Variants in ITGA9 observed in about 807,000 individuals in gnomAD.
ITGA9 encodes integrin subunit alpha 9.
A neutral mutation model predicts 127.8 loss-of-function variants in ITGA9; 56 were observed. That is an observed-to-expected ratio of 0.44 (90% CI 0.35 to 0.55). ITGA9 has a LOEUF of 0.55. ITGA9 is among the 20% of genes least tolerant of loss of function. ITGA9 has a pLI of 0.00. For synonymous variants in ITGA9, 508 were observed against 514.5 expected (o/e 0.99, Z 0.17); for missense variants, 1,196 against 1,347.1 (o/e 0.89, Z 1.76).
intron 23 of ITGA9, among the ~76,000 whole-genome samples, chr3:37,771,509 G>T (rs1045742306): frequency 6.6e-6 from 1 of 152,182 alleles, no homozygotes; most frequent in South Asian, 2.1e-4. Flanking sequence ...AAACTGGCAC[G>T]GCTGTTAGCA....
At chr3:37,628,039 A>C (rs986967622) in intron 15 of ITGA9, among the ~76,000 whole-genome samples, 1 of 151,862 alleles carries the variant, frequency 6.6e-6, no homozygotes, top group African/African-American at 2.4e-5. Context: ...ACACAGTGCT[A>C]CTCTGCTCCA....
Position 37,517,506 on chromosome 3 carries a change from A to G in ITGA9, c.1038A>G (p.Gly346=). The change falls in exon 10 of 28, where the codon GGA becomes GGG. Residue 346 remains glycine, a splice_region_variant and synonymous_variant. Coordinates refer to ENST00000264741, the MANE Select transcript of ITGA9 (RefSeq NM_002207.3). ...TTCTCCTCCATCCTGTTTCCCAGGGAGCCCTCGAGGAGCAGCTGGCTCTGA... is the reference window on the plus strand; with the variant it reads ...TTCTCCTCCATCCTGTTTCCCAGGGGGCCCTCGAGGAGCAGCTGGCTCTGA... The part of the protein sequence containing the change: ...QVTVYINRGN[G]ALEEQLALTG... 6.3e-7 allele frequency: 1 copy of G among 1,584,420 alleles called. No homozygotes were observed. The highest frequency in any genetic ancestry group is 8.6e-7 in the Non-Finnish European group (1 of 1,163,892).
At chr3:37,465,579 G>C (rs144743171) in intron 1 of ITGA9, among the ~76,000 whole-genome samples, 123 of 152,328 alleles carry the variant, frequency 8.1e-4, no homozygotes, top group African/African-American at 2.9e-3. Context: ...ACCAGTGTTG[G>C]TGCATGAACC....
At chr3:37,750,310 A>C in intron 22 of ITGA9, 152 bp from the exon 23 acceptor site, 1 of 644,652 alleles carries the variant, frequency 1.6e-6, no homozygotes. Context: ...GTCATTCAGT[A>C]GTTCACTTTA....
intron 18 of ITGA9, among the ~76,000 whole-genome samples, chr3:37,714,561 T>C (rs1320401760): frequency 1.3e-5 from 2 of 152,164 alleles, no homozygotes; most frequent in Admixed American, 1.3e-4. Flanking sequence ...ATCCTCCATG[T>C]GGGTCCCATC....
chr3:37,747,937 T>G (rs1696525579), intron 22 of ITGA9, among the ~76,000 whole-genome samples: 1 of 152,126 alleles, frequency 6.6e-6, no homozygotes, highest in African/African-American at 2.4e-5. Flanking sequence ...ATACGGGGTT[T>G]CACCACGTTG....
chr3:37,595,324 A>G (rs1003794608), intron 15 of ITGA9, among the ~76,000 whole-genome samples: 1 of 152,168 alleles, frequency 6.6e-6, no homozygotes, highest in African/African-American at 2.4e-5. Context: ...CTGGGGAAGA[A>G]GAAAATCTAG....
At chr3:37,610,199 T>C (rs1430222581) in intron 15 of ITGA9, among the ~76,000 whole-genome samples, 1 of 152,178 alleles carries the variant, frequency 6.6e-6, no homozygotes, top group Non-Finnish European at 1.5e-5. Flanking sequence ...GTGAAATGGC[T>C]TGTTGTGTCT....
chr3:37,572,734 T>C (rs973622125), intron 15 of ITGA9, among the ~76,000 whole-genome samples: 1 of 152,236 alleles, frequency 6.6e-6, no homozygotes, highest in African/African-American at 2.4e-5. Flanking sequence ...CTCAAGGTTA[T>C]GTTTTGTAGA....
intron 15 of ITGA9, among the ~76,000 whole-genome samples, chr3:37,553,474 A>T (rs1218812887): frequency 1.3e-5 from 2 of 152,220 alleles, no homozygotes; most frequent in Non-Finnish European, 2.9e-5. Context: ...TGTCTGTTTC[A>T]TCATGATTAG....
At chr3:37,571,582 C>T (rs1300075269) in intron 15 of ITGA9, among the ~76,000 whole-genome samples, 1 of 152,154 alleles carries the variant, frequency 6.6e-6, no homozygotes, top group African/African-American at 2.4e-5. Context: ...GCACAAATTG[C>T]TGGGCCCCAC....
intron 13 of ITGA9, among the ~76,000 whole-genome samples, chr3:37,526,349 TAGCCTAACTCTTA>T (rs540782466): frequency 2.0e-5 from 3 of 149,462 alleles, no homozygotes; most frequent in Non-Finnish European, 4.4e-5. Context: ...GGGGTTGGGG[TAGCCTAACTCTTA>T]AGCCTAACTC....
rs979739804 is a variant in ITGA9 at position 37,552,313 on chromosome 3, C to T, written c.1689+9728C>T. Reference sequence around the variant, plus strand: ...CCCCTTGTAAAGAAAGGAAGCCTGGCCCCTGAAGCCTCATTGCGTGGGATA... The same window carrying T: ...CCCCTTGTAAAGAAAGGAAGCCTGGTCCCTGAAGCCTCATTGCGTGGGATA... On this transcript the variant is annotated intron_variant, in intron 15 of 27. Coordinates refer to ENST00000264741, the MANE Select transcript of ITGA9 (RefSeq NM_002207.3). Among the ~76,000 whole-genome samples, 10 of 152,048 alleles carry T rather than the reference C, an allele frequency of 6.6e-5. No individual in the cohort carries two copies. In the South Asian group the frequency reaches 1.7e-3, roughly 25 times the overall value.
chr3:37,580,033 A>G (rs1410832658), intron 15 of ITGA9, among the ~76,000 whole-genome samples: 1 of 152,258 alleles, frequency 6.6e-6, no homozygotes, highest in Non-Finnish European at 1.5e-5. Flanking sequence ...AATTCTAGGC[A>G]TGAAAATTAG....
intron 26 of ITGA9, among the ~76,000 whole-genome samples, chr3:37,786,414 G>A (rs1190398391): frequency 2.0e-5 from 3 of 152,030 alleles, no homozygotes; most frequent in Non-Finnish European, 4.4e-5. Context: ...CCAACATGGC[G>A]AAACGCTGTC....
At position 37,649,326 on chromosome 3, in the gene ITGA9, T is replaced by C. The variant is rs553569517; in HGVS notation, c.1840-4388T>C. Among the ~76,000 whole-genome samples the C allele has an allele frequency of 2.9e-4, 44 of 152,096 alleles. No individual in the cohort carries two copies. In the South Asian group the frequency reaches 6.7e-3, roughly 23 times the overall value. ...AAAACAACAACAACCAGGATCAAAC[T>C]GTATGCTGTCTACAAGAAGCTCACT... On this transcript the variant is annotated intron_variant, in intron 16 of 27. Transcript: ENST00000264741.
chr3:37,485,034 C>T (rs556402933), intron 4 of ITGA9, among the ~76,000 whole-genome samples: 2 of 152,174 alleles, frequency 1.3e-5, no homozygotes, highest in South Asian at 4.2e-4. Context: ...TAGACAAAAC[C>T]CAAGTGACAC....
At chr3:37,688,567 T>A (rs1044838314) in intron 18 of ITGA9, among the ~76,000 whole-genome samples, 1 of 152,180 alleles carries the variant, frequency 6.6e-6, no homozygotes, top group African/African-American at 2.4e-5. Flanking sequence ...CAGCTCCTCA[T>A]GAGAGGCCGT....
chr3:37,628,747 C>G (rs1700200624), intron 15 of ITGA9, among the ~76,000 whole-genome samples: 1 of 152,212 alleles, frequency 6.6e-6, no homozygotes. Context: ...CGCTGGGCCA[C>G]TCAGTCTTTG....
Sources: gnomAD v4.1 joint callset for allele counts (sites outside exome capture counted in the v4.1 genomes callset) on GRCh38, gnomAD v4.1.1 for gene constraint, MANE v1.5 for transcripts, NCBI Gene and HGNC (gene_info 2026-07-23, HGNC 2026-07-21) for gene names.